The following DLG1 variants were observed in gnomAD, a reference collection of about 807,000 sequenced individuals.
DLG1 encodes the protein disks large homolog 1.
Under a neutral mutation model 123.4 loss-of-function variants are expected in DLG1, and 42 were observed. The observed-to-expected ratio is 0.34, with a 90% confidence interval of 0.27 to 0.44. The LOEUF (loss-of-function observed/expected upper bound fraction) is 0.44, where lower values mean the gene tolerates loss of function less well. Ranked by LOEUF, DLG1 falls within the 20% of genes least tolerant of loss-of-function variation. The pLI is 1.00. For missense variants in DLG1, 942 were observed against 1,082.6 expected (o/e 0.87, Z 1.82); for synonymous variants, 317 against 356.2 (o/e 0.89, Z 1.24).
At chr3:197,201,306 C>G (rs1725585342) in intron 4 of DLG1, among the ~76,000 whole-genome samples, 2 of 152,218 alleles carry the variant, frequency 1.3e-5, no homozygotes, top group Non-Finnish European at 2.9e-5. Flanking sequence ...ATGGTGTGAA[C>G]CCGGGAGGCG....
chr3:197,204,611 T>G (rs1727574225), intron 4 of DLG1, among the ~76,000 whole-genome samples: 2 of 152,190 alleles, frequency 1.3e-5, no homozygotes, highest in South Asian at 2.1e-4. Flanking sequence ...GTGAGTTCCA[T>G]ATCTACAGAT....
intron 18 of DLG1, among the ~76,000 whole-genome samples, chr3:197,072,426 C>T (rs936538747): frequency 3.9e-5 from 6 of 151,962 alleles, no homozygotes; most frequent in South Asian, 2.1e-4. Flanking sequence ...GCACTCTCTC[C>T]GTCATGGGTT....
chr3:197,064,045 C>A (rs1216994756), intron 22 of DLG1, among the ~76,000 whole-genome samples: 1 of 151,594 alleles, frequency 6.6e-6, no homozygotes, highest in African/African-American at 2.4e-5. Context: ...GCCTCAGCCT[C>A]CTTAGCCAGG....
At chr3:197,099,338 C>T (rs1762255856) in intron 14 of DLG1, among the ~76,000 whole-genome samples, 1 of 152,188 alleles carries the variant, frequency 6.6e-6, no homozygotes. Context: ...GTGCTAACCA[C>T]TACACCTATT....
At chr3:197,274,508 G>C (rs117272724) in intron 4 of DLG1, among the ~76,000 whole-genome samples, 1 of 151,354 alleles carries the variant, frequency 6.6e-6, no homozygotes, top group East Asian at 1.9e-4. Context: ...GACACGACAC[G>C]ACACGACACG....
At chr3:197,298,478 C>T in intron 1 of DLG1, 58 bp downstream of exon 1, 1 of 398,780 alleles carries the variant, frequency 2.5e-6, no homozygotes, top group Non-Finnish European at 4.4e-6. Context: ...GCCGGGAAGG[C>T]TCGGGCTGTC....
intron 22 of DLG1, 81 bp downstream of exon 22, chr3:197,065,195 T>C (rs1738723540): frequency 1.5e-6 from 2 of 1,309,562 alleles, no homozygotes; most frequent in Non-Finnish European, 2.0e-6. Flanking sequence ...TAATTAGTGC[T>C]GTATCTATCC....
intron 4 of DLG1, among the ~76,000 whole-genome samples, chr3:197,214,113 T>C (rs1732743530): frequency 6.6e-6 from 1 of 152,102 alleles, no homozygotes; most frequent in African/African-American, 2.4e-5. Flanking sequence ...AGTAGGGGAA[T>C]GATGGATTAT....
intron 7 of DLG1, among the ~76,000 whole-genome samples, chr3:197,141,311 T>C (rs1403889723): frequency 6.6e-6 from 1 of 152,112 alleles, no homozygotes; most frequent in Non-Finnish European, 1.5e-5. Context: ...CAGTGAAAAA[T>C]ACAATGTATA....
chr3:197,260,743 C>A (rs1758975280), intron 4 of DLG1, among the ~76,000 whole-genome samples: 1 of 45,690 alleles, frequency 2.2e-5, no homozygotes. Context: ...ACTCAAATGA[C>A]AACCACCAAA....
chr3:197,260,696 T>C (rs898160445), intron 4 of DLG1, among the ~76,000 whole-genome samples: 1 of 126,716 alleles, frequency 7.9e-6, no homozygotes, highest in South Asian at 2.6e-4. Context: ...CCGATATAAA[T>C]TTAAATCTGC....
chr3:197,237,040 C>G (rs1430512826), intron 4 of DLG1, among the ~76,000 whole-genome samples: 1 of 152,058 alleles, frequency 6.6e-6, no homozygotes, highest in Non-Finnish European at 1.5e-5. Flanking sequence ...TCTGGGAGCT[C>G]CTGCTCAGAT....
rs1267339841 is a variant in DLG1, at chr3:197,083,217, ATAATT to A, written c.1839-2105_1839-2101del. Among the ~76,000 whole-genome samples the A allele has an allele frequency of 2.6e-5, 4 of 152,242 alleles. No individual in the cohort carries two copies. In the South Asian group the frequency reaches 8.3e-4, roughly 31 times the overall value. ...AAAATCATAATTATAAATCTTGATT[ATAATT>A]TAATAATATTACTTTTCAACTTCTA... On this transcript the variant is annotated intron_variant, in intron 16 of 24. Coordinates refer to ENST00000667157, the MANE Select transcript of DLG1 (RefSeq NM_001366207.1).
At chr3:197,251,854 C>T (rs1367960610) in intron 4 of DLG1, among the ~76,000 whole-genome samples, 1 of 152,092 alleles carries the variant, frequency 6.6e-6, no homozygotes. Flanking sequence ...AAAATGGGCA[C>T]ATTTAAAATG....
chr3:197,275,719 G>T (rs1392130933), intron 4 of DLG1, among the ~76,000 whole-genome samples: 2 of 152,202 alleles, frequency 1.3e-5, no homozygotes, highest in African/African-American at 4.8e-5. Context: ...GAGTAGAATG[G>T]TAGTTTATCA....
chr3:197,050,517 C>T (rs951022786), intron 24 of DLG1, among the ~76,000 whole-genome samples: 14 of 152,172 alleles, frequency 9.2e-5, no homozygotes, highest in African/African-American at 3.4e-4. Context: ...ATCCTATCAT[C>T]TGCAACAACC....
chr3:197,258,061 TAA>T (rs1344880727), intron 4 of DLG1, among the ~76,000 whole-genome samples: 4 of 152,194 alleles, frequency 2.6e-5, no homozygotes, highest in Admixed American at 6.5e-5. Context: ...AAAATGTATA[TAA>T]GTGTATGAAC....
At chr3:197,195,037 A>ATC (rs77257107) in intron 4 of DLG1, among the ~76,000 whole-genome samples, 194 of 150,546 alleles carry the variant, frequency 1.3e-3, no homozygotes, top group African/African-American at 3.6e-3. Context: ...TTTAACTATA[A>ATC]TCTCTCTCTC....
chr3:197,090,116 C>T (rs191482276), intron 15 of DLG1, among the ~76,000 whole-genome samples: 344 of 151,916 alleles, frequency 2.3e-3, no homozygotes, highest in Non-Finnish European at 3.6e-3. Flanking sequence ...ATAAATGAAA[C>T]GTATTAGGAA....
Sources: gnomAD v4.1 joint callset for allele counts (sites outside exome capture counted in the v4.1 genomes callset) on GRCh38, gnomAD v4.1.1 for gene constraint, MANE v1.5 for transcripts, NCBI Gene and HGNC (gene_info 2026-07-23, HGNC 2026-07-21) for gene names.